The following KLC3 variants were observed in gnomAD, a reference collection of about 807,000 sequenced individuals.
KLC3 encodes kinesin light chain 2.
Under a neutral mutation model 62.9 loss-of-function variants are expected in KLC3, and 72 were observed. The ratio of observed to expected loss-of-function variants is 1.15; its 90% CI spans 0.95 to 1.39. The LOEUF (loss-of-function observed/expected upper bound fraction) is 1.39. KLC3 is among the 40% of genes most tolerant of loss of function. The pLI, the probability that KLC3 is intolerant of heterozygous loss-of-function variation, is 0.00. For synonymous variants in KLC3, 377 were observed against 300.5 expected (o/e 1.25, Z -2.63); for missense variants, 848 against 691.6 (o/e 1.23, Z -2.54).
chr19:45,347,361 AAAAC>A lies in KLC3; in HGVS notation c.490-82_490-79del. The stretch of plus-strand genomic sequence containing the variant: ...GTCTCAAAAAAAAAAAAAAAACAAA[AAAAC>A]AAAAACCTGAGATAGAGCCAGGGCC... On this transcript the variant is annotated intron_variant, in intron 3 of 12. Coordinates refer to ENST00000391946, the MANE Select transcript of KLC3 (RefSeq NM_177417.3). 8.5e-6 allele frequency: 9 copies of A among 1,059,756 alleles called. No homozygotes were observed. In the African/African-American group the frequency reaches 9.8e-5, roughly 12 times the overall value. 65.6% of individuals were successfully genotyped at this position (1,059,756 alleles called of 1,614,324 possible).
intron 7 of KLC3, 116 bp from the exon 8 acceptor site, chr19:45,349,313 A>G: frequency 9.4e-7 from 1 of 1,058,450 alleles, no homozygotes; most frequent in Non-Finnish European, 1.4e-6. Context: ...CCAACCTCTC[A>G]GGTCACTCTC....
intron 7 of KLC3, 47 bp downstream of exon 7, chr19:45,348,968 G>C (rs779895668): frequency 1.3e-6 from 2 of 1,488,434 alleles, no homozygotes; most frequent in Non-Finnish European, 1.8e-6. Context: ...GTCCCATGTA[G>C]CCCTCCCCAG....
At chr19:45,348,583 C>T (rs1971568904) in intron 5 of KLC3, 63 bp from the exon 6 acceptor site, 3 of 1,491,424 alleles carry the variant, frequency 2.0e-6, no homozygotes, top group Non-Finnish European at 2.7e-6. Context: ...TGGCCCAGCC[C>T]CTGTGGCTGC....
intron 1 of KLC3, among the ~76,000 whole-genome samples, chr19:45,341,588 C>CGCGCGCGCGCGCGT (rs1568519380): frequency 7.6e-6 from 1 of 132,344 alleles, no homozygotes; most frequent in South Asian, 2.4e-4. Context: ...TGCGCGCGCG[C>CGCGCGCGCGCGCGT]GTGTGGTGGA....
At chr19:45,350,206 G>C in intron 8 of KLC3, 135 bp from the exon 9 acceptor site, 1 of 659,978 alleles carries the variant, frequency 1.5e-6, no homozygotes, top group South Asian at 1.9e-5. Context: ...AGGATCACTT[G>C]AGGCTAGGAG....
In KLC3 at chr19:45,345,717, C is replaced by T. The variant is rs557080121; in HGVS notation, c.176C>T (p.Ala59Val). The change falls in exon 2 of 13, where the codon GCC becomes GTC. Residue 59 changes from alanine to valine, a missense_variant. Coordinates refer to ENST00000391946, the MANE Select transcript of KLC3 (RefSeq NM_177417.3). ...GCCCTGGCGGGACAGGGCCCGGCAG[C>T]CGGCTTGGAGATGCTGGAGGAAAAG... is the stretch of plus-strand genomic sequence containing the variant. ...AEALAGQGPAAGLEMLEEKQQ... is the reference protein window; with the variant it reads ...AEALAGQGPAVGLEMLEEKQQ... 7 of 1,563,526 alleles carry T rather than the reference C, an allele frequency of 4.5e-6. No homozygotes were observed. The African/African-American group carries it at 6.8e-5, about 15-fold the overall frequency.
Position 45,351,325 on chromosome 19 carries a change from A to G in KLC3, c.1483A>G (p.Ser495Gly), listed in dbSNP as rs565460302. Residue 495 changes from serine to glycine, a missense_variant, in exon 13 of 13, where the codon AGC becomes GGC. Coordinates refer to ENST00000391946, the MANE Select transcript of KLC3 (RefSeq NM_177417.3). The part of the protein sequence containing the change: ...WHLDKAPRTL[S>G]ASTQDLSPH ...CCTGGACAAGGCCCCTCGGACCCTC[A>G]GCGCCAGCACCCAGGACCTGAGCCC... 4.3e-6 allele frequency: 7 copies of G among 1,612,058 alleles called. No homozygotes were observed. In the South Asian group the frequency reaches 7.7e-5, roughly 18 times the overall value.
chr19:45,341,574 T>TGCGCGCGC (rs1202070798), intron 1 of KLC3, among the ~76,000 whole-genome samples: 16 of 124,276 alleles, frequency 1.3e-4, no homozygotes, highest in Non-Finnish European at 2.8e-4. Context: ...TGTGTGTGTG[T>TGCGCGCGC]GTGTGCGCGC....
At chr19:45,350,200 T>G in intron 8 of KLC3, 141 bp from the exon 9 acceptor site, 1 of 641,434 alleles carries the variant, frequency 1.6e-6, no homozygotes, top group Non-Finnish European at 2.7e-6. Flanking sequence ...GGCAGGAGGA[T>G]CACTTGAGGC....
chr19:45,341,355 GGT>G (rs1001038165), intron 1 of KLC3, among the ~76,000 whole-genome samples: 2 of 152,126 alleles, frequency 1.3e-5, no homozygotes, highest in African/African-American at 4.8e-5. Context: ...TGACTGGAAT[GGT>G]GTGTGTGTAG....
chr19:45,347,423 C>T (rs1568523222), intron 3 of KLC3, 24 bp from the exon 4 acceptor site: 1 of 1,595,318 alleles, frequency 6.3e-7, no homozygotes, highest in African/African-American at 1.4e-5. Context: ...ACCACCCCGG[C>T]CCCCCACTTT....
intron 1 of KLC3, among the ~76,000 whole-genome samples, chr19:45,342,663 G>A (rs1971417075): frequency 6.6e-6 from 1 of 152,090 alleles, no homozygotes; most frequent in Non-Finnish European, 1.5e-5. Flanking sequence ...CTACTTGGGA[G>A]GGTGAGGGAG....
At chr19:45,349,356 A>G (rs1015206007) in intron 7 of KLC3, 73 bp from the exon 8 acceptor site, 10 of 1,456,780 alleles carry the variant, frequency 6.9e-6, no homozygotes, top group African/African-American at 1.4e-5. Context: ...ACTCATGACC[A>G]CCATACAGCA....
intron 11 of KLC3, 71 bp downstream of exon 11, chr19:45,350,818 C>T (rs978531123): frequency 7.4e-7 from 1 of 1,358,078 alleles, no homozygotes; most frequent in Non-Finnish European, 1.0e-6. Context: ...CCCCCACCCC[C>T]ATCTTGCTCA....
In KLC3 at chr19:45,346,691, T is replaced by TC; in HGVS notation, c.408dup (p.Val137ArgfsTer30). The TC allele has an allele frequency of 6.4e-7, 1 of 1,566,278 alleles. No individual in the cohort carries two copies. The highest frequency in any genetic ancestry group is 8.6e-7 in the Non-Finnish European group (1 of 1,157,880). ...GCGGCGGCTTCGGGCCAGCGAGGAGTCCGTGGCCCAGCTGGAGGAGGAGAA... is the reference window on the plus strand; with the variant it reads ...GCGGCGGCTTCGGGCCAGCGAGGAGTCCCGTGGCCCAGCTGGAGGAGGAGAA... On this transcript the variant is annotated frameshift_variant, in exon 3 of 13. Coordinates refer to ENST00000391946, the MANE Select transcript of KLC3 (RefSeq NM_177417.3). LOFTEE classifies it high-confidence loss of function.
In KLC3 at chr19:45,341,578, T is replaced by TGTGTGTGTGCGCGCGCGCGCGCGC; in HGVS notation, c.-9+733_-9+734insTGTGTGTGCGCGCGCGCGCGCGCG. ...TGGTGTGTGTGTGTGTGTGTGTGTG[T>TGTGTGTGTGCGCGCGCGCGCGCGC]GCGCGCGCGCGTGTGGTGGACAGTG... is the stretch of plus-strand genomic sequence containing the variant. On this transcript the variant is annotated intron_variant, in intron 1 of 12. Transcript: ENST00000391946. Among the ~76,000 whole-genome samples, 6 of 139,798 alleles carry TGTGTGTGTGCGCGCGCGCGCGCGC rather than the reference T, an allele frequency of 4.3e-5. No homozygotes were observed. In the East Asian group the frequency reaches 6.2e-4, roughly 14 times the overall value. The allele number at this position is 139,798 out of a possible 152,430, so 91.7% of individuals were successfully genotyped here. A position where few individuals can be genotyped will look rare whatever the true frequency, so the allele number is the denominator to read the frequency against.
chr19:45,341,776 C>CGTGTGTGTGT (rs3047585), intron 1 of KLC3, among the ~76,000 whole-genome samples: 39 of 134,946 alleles, frequency 2.9e-4, no homozygotes, highest in Middle Eastern at 3.6e-3. Context: ...GCCGTGTGTG[C>CGTGTGTGTGT]GTGTGTGTGT....
At position 45,349,560 on chromosome 19, in the gene KLC3, CG is replaced by C. The variant is rs1568525658; in HGVS notation, c.1104del (p.His370MetfsTer17). 6.2e-7 allele frequency: 1 copy of C among 1,613,632 alleles called. No homozygotes were observed. Among genetic ancestry groups the C allele is most frequent in the South Asian group, 1.1e-5 (1 of 91,068 alleles). ...RALSIYEALG[G>X]PHDPNVAKTK... ...CCCTGAGCATCTATGAGGCACTGGGCGGGCCCCATGACCCCAACGTGGCCAA... is the reference window on the plus strand; with the variant it reads ...CCCTGAGCATCTATGAGGCACTGGGCGGCCCCATGACCCCAACGTGGCCAA... On this transcript the variant is annotated frameshift_variant, in exon 8 of 13. Coordinates refer to ENST00000391946, the MANE Select transcript of KLC3 (RefSeq NM_177417.3). LOFTEE classifies it high-confidence loss of function.
chr19:45,345,156 G>C (rs1166701442), intron 1 of KLC3: 1 of 407,832 alleles, frequency 2.5e-6, no homozygotes, highest in Admixed American at 4.2e-5. Context: ...GGAGCTCTGG[G>C]CCAGGGGATC....
Sources: allele counts gnomAD v4.1 joint callset (sites outside exome capture counted in the v4.1 genomes callset), GRCh38; gene constraint gnomAD v4.1.1; transcripts MANE v1.5; gene names NCBI Gene and HGNC (gene_info 2026-07-23, HGNC 2026-07-21).